The following POLR3A variants were observed in gnomAD, a reference collection of about 807,000 sequenced individuals.
POLR3A encodes the protein DNA-directed RNA polymerase III subunit RPC1.
Under a neutral mutation model 152.8 loss-of-function variants are expected in POLR3A, and 112 were observed. The observed-to-expected ratio is 0.73, with a 90% CI of 0.63 to 0.86. POLR3A has a LOEUF of 0.86. Ranked by LOEUF, POLR3A falls within the 40% of genes least tolerant of loss-of-function variation. POLR3A has a pLI of 0.00. For missense variants in POLR3A, 1,385 were observed against 1,743.1 expected, an observed-to-expected ratio of 0.79 and a Z score of 3.66; for synonymous variants, 615 against 652.1, an observed-to-expected ratio of 0.94 and a Z score of 0.87.
At chr10:78,000,507 C>G (rs1847346963) in intron 18 of POLR3A, among the ~76,000 whole-genome samples, 1 of 152,208 alleles carries the variant, frequency 6.6e-6, no homozygotes, top group Admixed American at 6.5e-5. Context: ...ACCTGCCCAC[C>G]TACAAAACAT....
At chr10:78,022,891 C>T (rs537114498) in intron 5 of POLR3A, among the ~76,000 whole-genome samples, 12 of 152,352 alleles carry the variant, frequency 7.9e-5, no homozygotes, top group Non-Finnish European at 1.6e-4. Context: ...GGCGTAGTGG[C>T]TCATGCCTGT....
chr10:77,987,135 C>T (rs2131932311), intron 21 of POLR3A, among the ~76,000 whole-genome samples: 1 of 152,256 alleles, frequency 6.6e-6, no homozygotes, highest in Non-Finnish European at 1.5e-5. Flanking sequence ...GGTCAATCAT[C>T]ACGGACTACA....
In POLR3A at chr10:77,986,988, A is replaced by G. The variant is rs181015046; in HGVS notation, c.2902-829T>C. Among the ~76,000 whole-genome samples the G allele has an allele frequency of 1.5e-4, 23 of 152,302 alleles. No homozygotes were observed. The East Asian group carries it at 4.4e-3, about 29-fold the overall frequency. ...TCAAATGGGTAAAACTATCTGTTTT[A>G]GGATTTACAGTGTGTCTGTGAAATA... On this transcript the variant is annotated intron_variant, in intron 21 of 30. Transcript: ENST00000372371.
intron 1 of POLR3A, among the ~76,000 whole-genome samples, chr10:78,026,651 T>A (rs1847637302): frequency 6.6e-6 from 1 of 152,236 alleles, no homozygotes. Context: ...CTTCTACTGC[T>A]ATCCCTTAAA....
intron 21 of POLR3A, among the ~76,000 whole-genome samples, chr10:77,989,966 A>G (rs1040968890): frequency 1.3e-5 from 2 of 152,210 alleles, no homozygotes; most frequent in Admixed American, 6.5e-5. Flanking sequence ...ACCTTGACAC[A>G]TGAACACAAG....
At chr10:78,008,015 G>GGA in intron 14 of POLR3A, 149 bp from the exon 15 acceptor site, 4 of 340,618 alleles carry the variant, frequency 1.2e-5, no homozygotes, top group South Asian at 2.6e-5. Flanking sequence ...TTTTTGGGGG[G>GGA]AGGGAGGGGG....
intron 25 of POLR3A, 91 bp from the exon 26 acceptor site, chr10:77,984,103 T>C (rs757073836): frequency 6.2e-5 from 75 of 1,219,302 alleles, no homozygotes; most frequent in Non-Finnish European, 8.6e-5. Context: ...GCTTGAGTAG[T>C]GTGGACGCCA....
chr10:78,011,222 A>G (rs1028383532), intron 11 of POLR3A, among the ~76,000 whole-genome samples: 1 of 152,134 alleles, frequency 6.6e-6, no homozygotes, highest in South Asian at 2.1e-4. Flanking sequence ...GTGACCTCTG[A>G]AGTCAACCAA....
At chr10:78,017,369 C>T (rs1418314970) in intron 10 of POLR3A, among the ~76,000 whole-genome samples, 1 of 151,876 alleles carries the variant, frequency 6.6e-6, no homozygotes, top group Non-Finnish European at 1.5e-5. Context: ...CTTGCTTGGG[C>T]CTGGGAGGTC....
At chr10:77,991,304 A>C in intron 20 of POLR3A, 137 bp from the exon 21 acceptor site, 2 of 691,256 alleles carry the variant, frequency 2.9e-6, no homozygotes, top group Non-Finnish European at 5.3e-6. Flanking sequence ...CTTTCAAAAC[A>C]AATTGTGGAC....
chr10:77,992,462 G>A (rs868423414), intron 20 of POLR3A, among the ~76,000 whole-genome samples: 992 of 43,990 alleles, frequency 0.023, 14 homozygotes, highest in African/African-American at 0.07. Context: ...TTTTTTTTTT[G>A]AGATGGAATC....
At chr10:78,005,151 C>CTT (rs975964866) in intron 15 of POLR3A, among the ~76,000 whole-genome samples, 2 of 152,216 alleles carry the variant, frequency 1.3e-5, no homozygotes, top group Admixed American at 6.5e-5. Context: ...GGTGGGGAAA[C>CTT]ACAATACCGT....
chr10:78,005,360 T>G (rs1369517041), intron 15 of POLR3A, among the ~76,000 whole-genome samples: 1 of 152,184 alleles, frequency 6.6e-6, no homozygotes, highest in South Asian at 2.1e-4. Context: ...ATGCCAGTAG[T>G]CCCAGCTACT....
At chr10:77,995,696 C>T (rs1847293307) in intron 19 of POLR3A, among the ~76,000 whole-genome samples, 1 of 152,030 alleles carries the variant, frequency 6.6e-6, no homozygotes, top group South Asian at 2.1e-4. Context: ...ACTTAGACTC[C>T]CACACAATAA....
At chr10:78,027,882 T>C (rs1218714693) in intron 1 of POLR3A, among the ~76,000 whole-genome samples, 1 of 152,112 alleles carries the variant, frequency 6.6e-6, no homozygotes, top group Non-Finnish European at 1.5e-5. Context: ...TAATTGACAA[T>C]ACCCTTAATT....
chr10:77,979,909 A>G (rs1468810279), intron 30 of POLR3A, among the ~76,000 whole-genome samples: 1 of 152,198 alleles, frequency 6.6e-6, no homozygotes. Context: ...ACCAAAAACC[A>G]TCTGTGCTGA....
chr10:77,982,038 CAAAAAAAAAAAAA>C lies in POLR3A; in HGVS notation c.3759+103_3759+115del, dbSNP rs553149963. 1.6e-4 allele frequency: 43 copies of C among 277,052 alleles called. No individual in the cohort carries two copies. In the African/African-American group the frequency reaches 2.7e-3, roughly 18 times the overall value. The allele number at this position is 277,052 out of a possible 1,614,324, so 17.2% of individuals were successfully genotyped here. A position where few individuals can be genotyped will look rare whatever the true frequency, so the allele number is the denominator to read the frequency against. On this transcript the variant is annotated intron_variant, in intron 28 of 30. Transcript: ENST00000372371. ...TGGGCAACAGAGCAAGACTCCATCT[CAAAAAAAAAAAAA>C]AAAAAAAAAAAAAAAGAAGTATACT...
chr10:77,983,155 C>G (rs566325829), intron 26 of POLR3A, among the ~76,000 whole-genome samples: 130 of 152,228 alleles, frequency 8.5e-4, no homozygotes, highest in African/African-American at 3.0e-3. Flanking sequence ...TCCGTGGGGC[C>G]TCCCCTTTAC....
intron 18 of POLR3A, 142 bp from the exon 19 acceptor site, chr10:78,000,260 T>C (rs1847344373): frequency 2.6e-6 from 2 of 767,454 alleles, no homozygotes; most frequent in East Asian, 5.3e-5. Flanking sequence ...CAGGCTTTCT[T>C]TGCCCTTTCC....
Sources: allele counts gnomAD v4.1 joint callset (sites outside exome capture counted in the v4.1 genomes callset), GRCh38; gene constraint gnomAD v4.1.1; transcripts MANE v1.5; gene names NCBI Gene and HGNC (gene_info 2026-07-23, HGNC 2026-07-21).